The following UNKL variants were observed in gnomAD, a reference collection of about 807,000 sequenced individuals.
UNKL encodes the protein putative E3 ubiquitin-protein ligase UNKL.
In UNKL, 60 loss-of-function variants were observed where a neutral mutation model predicts 78.0. The ratio of observed to expected loss-of-function variants is 0.77; its 90% CI spans 0.63 to 0.95. The LOEUF (loss-of-function observed/expected upper bound fraction) is 0.95. UNKL is among the 40% of genes least tolerant of loss of function. UNKL has a pLI of 0.00. For missense variants in UNKL, 1,159 were observed against 1,045.7 expected (o/e 1.11, Z -1.49); for synonymous variants, 608 against 474.8 (o/e 1.28, Z -3.65).
At chr16:1,372,063 T>C (rs1161856645) in intron 10 of UNKL, among the ~76,000 whole-genome samples, 1 of 150,710 alleles carries the variant, frequency 6.6e-6, no homozygotes, top group East Asian at 2.0e-4. Flanking sequence ...GAGACCATCC[T>C]GGCTAACACG....
At position 1,363,305 on chromosome 16, in the gene UNKL, G is replaced by A. The variant is rs914916934; in HGVS notation, c.*2935C>T. ...CTATAGTGTAAAAAAATTTAAACAA[G>A]TGTTAACTTTAAACAGTTCGCTACA... is the stretch of plus-strand genomic sequence containing the variant. On this transcript the variant is annotated 3_prime_UTR_variant, in exon 15 of 15. Transcript: ENST00000389221. The A allele has an allele frequency of 6.9e-6, 4 of 579,514 alleles. No homozygotes were observed. Among genetic ancestry groups the A allele is most frequent in the African/African-American group, 5.6e-5 (3 of 53,364 alleles). 35.9% of individuals were successfully genotyped at this position (579,514 alleles called of 1,614,324 possible).
At chr16:1,395,946 G>A (rs1235867174) in intron 6 of UNKL, 2 of 357,710 alleles carry the variant, frequency 5.6e-6, no homozygotes, top group East Asian at 1.5e-4. Context: ...CCTTGGCTGA[G>A]GATTTTACTT....
At chr16:1,386,436 C>A (rs1465831232) in intron 9 of UNKL, among the ~76,000 whole-genome samples, 4 of 152,024 alleles carry the variant, frequency 2.6e-5, no homozygotes, top group Non-Finnish European at 5.9e-5. Context: ...CGCCTGTAAT[C>A]CCAGCTACTT....
intron 12 of UNKL, 46 bp from the exon 13 acceptor site, chr16:1,367,904 G>A (rs950033333): frequency 2.2e-5 from 33 of 1,491,546 alleles, no homozygotes; most frequent in Admixed American, 8.1e-5. Flanking sequence ...CTGTGCTCGC[G>A]GCCTGGTGGG....
At chr16:1,390,465 T>A (rs1454867224) in intron 9 of UNKL, among the ~76,000 whole-genome samples, 167 bp downstream of exon 9, 1 of 152,176 alleles carries the variant, frequency 6.6e-6, no homozygotes, top group Non-Finnish European at 1.5e-5. Flanking sequence ...GAGCTAATTC[T>A]ACAACAAGCG....
At position 1,394,210 on chromosome 16, in the gene UNKL, G is replaced by A; in HGVS notation, c.858C>T (p.Tyr286=). The A allele has an allele frequency of 6.4e-7, 1 of 1,550,684 alleles. No homozygotes were observed. The highest frequency in any genetic ancestry group is 8.7e-7 in the Non-Finnish European group (1 of 1,146,996). Residue 286 remains tyrosine, a synonymous_variant, in exon 7 of 15, where the codon TAC becomes TAT. Transcript: ENST00000389221. ...RTEQQFHPEI[Y]KSTKCNDMRQ... ...GCATGTCGTTGCATTTTGTAGATTT[G>A]TAGATCTGGGGAAAAAAGTGAAATA... is the stretch of plus-strand genomic sequence containing the variant.
At chr16:1,374,209 CAG>C (rs1367085846) in intron 10 of UNKL, among the ~76,000 whole-genome samples, 1 of 152,190 alleles carries the variant, frequency 6.6e-6, no homozygotes, top group Non-Finnish European at 1.5e-5. Context: ...GCACACCACA[CAG>C]GGACTGTTGC....
intron 2 of UNKL, among the ~76,000 whole-genome samples, chr16:1,404,954 G>C (rs538671753): frequency 6.6e-6 from 1 of 152,246 alleles, no homozygotes; most frequent in African/African-American, 2.4e-5. Context: ...AGCACTTTGG[G>C]GGGCAGAGAC....
intron 10 of UNKL, among the ~76,000 whole-genome samples, chr16:1,384,133 G>A (rs1208640795): frequency 1.3e-5 from 2 of 152,122 alleles, no homozygotes; most frequent in African/African-American, 2.4e-5. Context: ...CATGGAACAT[G>A]GGGCTTCAGC....
At chr16:1,410,873 T>G (rs948329098) in intron 2 of UNKL, among the ~76,000 whole-genome samples, 1 of 152,208 alleles carries the variant, frequency 6.6e-6, no homozygotes, top group Non-Finnish European at 1.5e-5. Flanking sequence ...CGCCTTGAAG[T>G]ACATCACCAT....
chr16:1,404,095 G>A (rs1040861862), intron 2 of UNKL, among the ~76,000 whole-genome samples: 5 of 152,106 alleles, frequency 3.3e-5, no homozygotes, highest in East Asian at 1.9e-4. Context: ...ATTCCTGGGC[G>A]CCTCCAGGTA....
chr16:1,391,530 C>T (rs1241253930), intron 8 of UNKL, among the ~76,000 whole-genome samples: 2 of 152,098 alleles, frequency 1.3e-5, no homozygotes, highest in African/African-American at 4.8e-5. Context: ...AACTCCTGAC[C>T]TCGAGCGATT....
At chr16:1,394,541 A>G (rs373830321) in intron 6 of UNKL, 3 of 520,944 alleles carry the variant, frequency 5.8e-6, no homozygotes, top group Non-Finnish European at 7.4e-6. Flanking sequence ...CAGGTGCCTA[A>G]TAAGTGCCTA....
rs866604381 is a variant in UNKL at position 1,385,354 on chromosome 16, G to T, written c.1118C>A (p.Pro373Gln). The change falls in exon 10 of 15, where the codon CCG becomes CAG. Residue 373 changes from proline to glutamine, a missense_variant. Transcript: ENST00000389221. ...NHLAVFAAVH[P>Q]PAPSVSSSVA... ...GCTGGAGCTCACGCTGGGGGCCGGCGGGTGGACCGCTGCAAACACGGCCAG... is the reference window on the plus strand; with the variant it reads ...GCTGGAGCTCACGCTGGGGGCCGGCTGGTGGACCGCTGCAAACACGGCCAG... The T allele has an allele frequency of 1.4e-6, 2 of 1,415,740 alleles. No individual in the cohort carries two copies. The highest frequency in any genetic ancestry group is 1.5e-5 in the South Asian group (1 of 68,440). 87.7% of individuals were successfully genotyped at this position (1,415,740 alleles called of 1,614,324 possible).
At chr16:1,398,606 A>T (rs1272335274) in intron 5 of UNKL, 2 of 1,421,286 alleles carry the variant, frequency 1.4e-6, no homozygotes, top group African/African-American at 2.9e-5. Context: ...TGCTCAAAGG[A>T]AGAGCTGGAC....
At position 1,399,370 on chromosome 16, in the gene UNKL, T is replaced by A; in HGVS notation, c.734+4A>T. 1 of 1,582,978 alleles carries A rather than the reference T, an allele frequency of 6.3e-7. No individual in the cohort carries two copies. Among genetic ancestry groups the A allele is most frequent in the Non-Finnish European group, 8.6e-7 (1 of 1,162,198 alleles). ...GTCCTCTGAGCACGGTCCCGCAGGC[T>A]CACCTGTACTGGAACCGCCGGGGGT... On this transcript the variant is annotated splice_donor_region_variant and intron_variant, in intron 5 of 14. Transcript: ENST00000389221. This position sits in a 1 kb window ranked among gnomAD's most constrained non-coding sequence, Gnocchi z 5.8.
At chr16:1,384,263 A>G (rs1424230882) in intron 10 of UNKL, among the ~76,000 whole-genome samples, 1 of 105,894 alleles carries the variant, frequency 9.4e-6, no homozygotes, top group East Asian at 3.0e-4. Flanking sequence ...AGGTGTCCCC[A>G]CCACCCCAAC....
At chr16:1,388,878 G>C (rs1806220556) in intron 9 of UNKL, among the ~76,000 whole-genome samples, 1 of 152,304 alleles carries the variant, frequency 6.6e-6, no homozygotes, top group South Asian at 2.1e-4. Context: ...CTGCCTGCCT[G>C]GTTTTTCTTC....
In UNKL at chr16:1,367,645, C is replaced by CG; in HGVS notation, c.1788+10_1788+11insC. ...CTCCCCCTCACCTGTCTGGCCCCCC[C>CG]ACACACTCACCTGCTTCACCTGCTG... On this transcript the variant is annotated intron_variant, in intron 13 of 14. Transcript: ENST00000389221. The CG allele has an allele frequency of 6.4e-7, 1 of 1,557,858 alleles. No individual in the cohort carries two copies.
Sources: gnomAD v4.1 joint callset for allele counts (sites outside exome capture counted in the v4.1 genomes callset) on GRCh38, gnomAD v4.1.1 for gene constraint, Gnocchi (gnomAD v3.1) non-coding constraint, MANE v1.5 for transcripts, NCBI Gene and HGNC (gene_info 2026-07-23, HGNC 2026-07-21) for gene names.